CFAP20DC: variants seen among roughly 807,000 people sequenced by gnomAD.
CFAP20DC encodes CFAP20 domain containing.
CFAP20DC carries 84 observed loss-of-function variants against 101.7 expected under a neutral mutation model. The ratio of observed to expected loss-of-function variants is 0.83; its 90% CI spans 0.69 to 0.99. The LOEUF is 0.99. Ranked by LOEUF, CFAP20DC falls within the 50% of genes least tolerant of loss-of-function variation. The pLI, the probability that CFAP20DC is intolerant of heterozygous loss-of-function variation, is 0.00. For missense variants in CFAP20DC, 1,007 were observed against 970.3 expected, an observed-to-expected ratio of 1.04 and a Z score of -0.50; for synonymous variants, 359 against 351.2, an observed-to-expected ratio of 1.02 and a Z score of -0.25.
chr3:58,875,328 T>A (rs2080653179), intron 7 of CFAP20DC, among the ~76,000 whole-genome samples: 1 of 152,198 alleles, frequency 6.6e-6, no homozygotes, highest in Non-Finnish European at 1.5e-5. Flanking sequence ...ACATTCACAT[T>A]CCAGAGCAAT....
At chr3:58,849,590 A>G (rs2078038906) in intron 12 of CFAP20DC, among the ~76,000 whole-genome samples, 181 bp from the exon 13 acceptor site, 1 of 152,222 alleles carries the variant, frequency 6.6e-6, no homozygotes, top group Non-Finnish European at 1.5e-5. Context: ...GCAAACAGTT[A>G]TAAGCCATTT....
chr3:58,751,858 C>T (rs962454662), intron 16 of CFAP20DC, among the ~76,000 whole-genome samples: 16 of 149,660 alleles, frequency 1.1e-4, no homozygotes, highest in Non-Finnish European at 2.4e-4. Flanking sequence ...CACACACACA[C>T]ACACACACAA....
chr3:58,778,380 C>T (rs368516390), intron 15 of CFAP20DC, among the ~76,000 whole-genome samples: 41 of 152,302 alleles, frequency 2.7e-4, no homozygotes, highest in African/African-American at 9.4e-4. Flanking sequence ...GGGTATTCCT[C>T]TTCGGGTGTG....
rs146573872 is a variant in CFAP20DC at position 59,037,037 on chromosome 3, T to A, written c.278+2520A>T. On this transcript the variant is annotated intron_variant, in intron 4 of 16. Coordinates refer to ENST00000482387, the MANE Select transcript of CFAP20DC (RefSeq NM_001394063.1). ...ACAAAAACAAGAAATGGGGAAAGGATTCCCTATTTAATAAATGGAGTTGGG... is the reference window on the plus strand; with the variant it reads ...ACAAAAACAAGAAATGGGGAAAGGAATCCCTATTTAATAAATGGAGTTGGG... Among the ~76,000 whole-genome samples, 1,095 of 152,292 alleles carry A rather than the reference T, an allele frequency of 7.2e-3. 15 individuals are homozygous for A. Among genetic ancestry groups the A allele is most frequent in the African/African-American group, 0.025 (1,050 of 41,556 alleles).
intron 4 of CFAP20DC, among the ~76,000 whole-genome samples, chr3:58,962,795 T>C (rs978836318): frequency 6.6e-6 from 1 of 152,160 alleles, no homozygotes; most frequent in Admixed American, 6.6e-5. Flanking sequence ...AATGTGTTGA[T>C]AGCAAAGGCT....
Position 58,863,496 on chromosome 3 carries a change from T to C in CFAP20DC, c.1593+62A>G, listed in dbSNP as rs1175490117. On this transcript the variant is annotated intron_variant, in intron 12 of 16. Transcript: ENST00000482387. This position sits in a 1 kb window ranked among gnomAD's most constrained non-coding sequence, Gnocchi z 5.9. ...CCTCTTTCATTTCAACTTGTTTTAG[T>C]GCTTATTGGAGCTAAGGAAACAACT... The C allele has an allele frequency of 1.9e-6, 3 of 1,585,200 alleles. No individual in the cohort carries two copies. The highest frequency in any genetic ancestry group is 2.6e-6 in the Non-Finnish European group (3 of 1,167,002).
chr3:58,990,469 A>G (rs960008077), intron 4 of CFAP20DC, among the ~76,000 whole-genome samples: 2 of 152,282 alleles, frequency 1.3e-5, no homozygotes, highest in East Asian at 3.9e-4. Flanking sequence ...CACAGAGTAA[A>G]CAGGAGCTTT....
chr3:58,719,788 T>G (rs897289806), intron 3 of CFAP20DC, among the ~76,000 whole-genome samples: 1 of 152,120 alleles, frequency 6.6e-6, no homozygotes, highest in Non-Finnish European at 1.5e-5. Context: ...AGCACAGAGG[T>G]GAGGTTAAGA....
At chr3:58,903,487 T>A (rs559804840) in intron 6 of CFAP20DC, among the ~76,000 whole-genome samples, 1 of 152,260 alleles carries the variant, frequency 6.6e-6, no homozygotes, top group Admixed American at 6.5e-5. Flanking sequence ...TGAAGAAATA[T>A]CCAAGACTGG....
chr3:58,916,307 T>G (rs978490576), intron 5 of CFAP20DC, among the ~76,000 whole-genome samples: 1 of 151,972 alleles, frequency 6.6e-6, no homozygotes, highest in African/African-American at 2.4e-5. Context: ...TTATTACCTG[T>G]TTAGACCATC....
At chr3:58,963,230 G>GTGTGTGTA (rs1411132048) in intron 4 of CFAP20DC, among the ~76,000 whole-genome samples, 11 of 141,614 alleles carry the variant, frequency 7.8e-5, no homozygotes, top group Non-Finnish European at 3.0e-5. Context: ...GTGTGTGTGT[G>GTGTGTGTA]TGTGTGTGTG....
chr3:58,776,200 CA>C (rs1299604276), intron 15 of CFAP20DC, among the ~76,000 whole-genome samples: 1 of 152,172 alleles, frequency 6.6e-6, no homozygotes, highest in African/African-American at 2.4e-5. Context: ...GGTTTATAAG[CA>C]GTGAGCATAA....
intron 14 of CFAP20DC, among the ~76,000 whole-genome samples, chr3:58,825,150 G>C (rs1175362899): frequency 6.6e-6 from 1 of 152,072 alleles, no homozygotes; most frequent in Non-Finnish European, 1.5e-5. Flanking sequence ...GTATGCTGAT[G>C]GTTAAACTCA....
rs1383277012 is a variant in CFAP20DC, at chr3:58,863,304, T to C, written c.1593+254A>G. On this transcript the variant is annotated intron_variant, in intron 12 of 16. Coordinates refer to ENST00000482387, the MANE Select transcript of CFAP20DC (RefSeq NM_001394063.1). This position sits in a 1 kb window ranked among gnomAD's most constrained non-coding sequence, Gnocchi z 5.9. Reference sequence around the variant, plus strand: ...TCATCCTGTGATTCAAAGATTAAAATGAAAAAACAGAAAGAAACCCAAAAC... The same window carrying C: ...TCATCCTGTGATTCAAAGATTAAAACGAAAAAACAGAAAGAAACCCAAAAC... The C allele has an allele frequency of 7.1e-7, 1 of 1,409,106 alleles. No homozygotes were observed. The highest frequency in any genetic ancestry group is 1.5e-5 in the African/African-American group (1 of 68,190). 87.3% of individuals were successfully genotyped at this position (1,409,106 alleles called of 1,614,324 possible).
intron 4 of CFAP20DC, among the ~76,000 whole-genome samples, chr3:58,955,848 G>A (rs2090576469): frequency 6.6e-6 from 1 of 151,460 alleles, no homozygotes; most frequent in African/African-American, 2.4e-5. Context: ...TTGGATACCA[G>A]CTCAGCAGCA....
At chr3:58,828,239 G>A (rs2076171935) in intron 14 of CFAP20DC, among the ~76,000 whole-genome samples, 1 of 152,130 alleles carries the variant, frequency 6.6e-6, no homozygotes, top group Non-Finnish European at 1.5e-5. Flanking sequence ...GATCACTAAT[G>A]TGAATAATAA....
intron 13 of CFAP20DC, among the ~76,000 whole-genome samples, chr3:58,842,138 A>C (rs144408530): frequency 1.3e-5 from 2 of 152,224 alleles, no homozygotes; most frequent in African/African-American, 4.8e-5. Flanking sequence ...AGCATTCCTT[A>C]AGAATTACCA....
intron 6 of CFAP20DC, among the ~76,000 whole-genome samples, chr3:58,906,373 C>T (rs565105587): frequency 1.1e-4 from 17 of 152,204 alleles, no homozygotes; most frequent in South Asian, 6.2e-4. Context: ...ACTTTTCTAA[C>T]GTCTATAATT....
intron 4 of CFAP20DC, among the ~76,000 whole-genome samples, chr3:59,024,313 A>C (rs979484342): frequency 6.6e-6 from 1 of 152,176 alleles, no homozygotes; most frequent in Admixed American, 6.5e-5. Context: ...AAATCTACTG[A>C]TGTCTATTGT....
Sources: gnomAD v4.1 joint callset for allele counts (sites outside exome capture counted in the v4.1 genomes callset) on GRCh38, gnomAD v4.1.1 for gene constraint, Gnocchi (gnomAD v3.1) non-coding constraint, MANE v1.5 for transcripts, NCBI Gene and HGNC (gene_info 2026-07-23, HGNC 2026-07-21) for gene names.